The following RAB7A variants were observed in gnomAD, a reference collection of about 807,000 sequenced individuals.
The protein encoded by RAB7A is RAB7A, member RAS oncogene family.
RAB7A carries 2 observed loss-of-function variants against 24.5 expected under a neutral mutation model. That is an observed-to-expected ratio of 0.08 (90% CI 0.03 to 0.26). RAB7A has a LOEUF of 0.26. Ranked by LOEUF, RAB7A falls within the 10% of genes least tolerant of loss-of-function variation. The pLI is 1.00. For synonymous variants in RAB7A, 100 were observed against 95.9 expected, an observed-to-expected ratio of 1.04 and a Z score of -0.25; for missense variants, 118 against 255.7, an observed-to-expected ratio of 0.46 and a Z score of 3.67.
intron 1 of RAB7A, among the ~76,000 whole-genome samples, chr3:128,791,981 AC>A (rs1449038804): frequency 6.6e-6 from 1 of 152,086 alleles, no homozygotes; most frequent in African/African-American, 2.4e-5. Flanking sequence ...AGATCTACCC[AC>A]CCATCAACCC....
At position 128,779,618 on chromosome 3, in the gene RAB7A, A is replaced by T. The variant is rs543359185; in HGVS notation, c.-8-15742A>T. On this transcript the variant is annotated intron_variant, in intron 1 of 5. Coordinates refer to ENST00000265062, the MANE Select transcript of RAB7A (RefSeq NM_004637.6). ...GTGGGGGGGTGGTGTTGGAGACAGG[A>T]TCTTGCTCTGTTACCCAGACTGGAG... is the stretch of plus-strand genomic sequence containing the variant. Among the ~76,000 whole-genome samples, 82 of 152,076 alleles carry T rather than the reference A, an allele frequency of 5.4e-4. 1 individual carries two copies. In the South Asian group the frequency reaches 0.016, roughly 30 times the overall value.
chr3:128,777,246 TAC>T lies in RAB7A; in HGVS notation c.-8-18112_-8-18111del, dbSNP rs372435345. Reference sequence around the variant, plus strand: ...TCACTCTGTCACCCAGCCGCTGGAGTACAGTTATATGATCACTGCTCGCTACA... The same window carrying T: ...TCACTCTGTCACCCAGCCGCTGGAGTAGTTATATGATCACTGCTCGCTACA... On this transcript the variant is annotated intron_variant, in intron 1 of 5. Coordinates refer to ENST00000265062, the MANE Select transcript of RAB7A (RefSeq NM_004637.6). 2.2e-4 allele frequency among the ~76,000 whole-genome samples: 34 copies of T among 152,194 alleles called. 1 individual carries two copies. The South Asian group carries it at 6.8e-3, about 31-fold the overall frequency.
chr3:128,750,926 C>T (rs892846022), intron 1 of RAB7A, among the ~76,000 whole-genome samples: 5 of 152,174 alleles, frequency 3.3e-5, no homozygotes, highest in Admixed American at 6.6e-5. Context: ...CAGCTCCAGC[C>T]GTGGCTGAAA....
intron 1 of RAB7A, among the ~76,000 whole-genome samples, chr3:128,741,115 T>A (rs1410979384): frequency 6.6e-6 from 1 of 152,082 alleles, no homozygotes; most frequent in Non-Finnish European, 1.5e-5. Context: ...ATTTATAGTC[T>A]TTTGTGAATT....
chr3:128,806,636 A>C, intron 4 of RAB7A, 46 bp downstream of exon 4: 5 of 1,559,124 alleles, frequency 3.2e-6, no homozygotes, highest in Middle Eastern at 1.7e-4. Flanking sequence ...CCTGCTCCCC[A>C]GGGGCCTTGT....
chr3:128,774,249 G>A (rs763628515), intron 1 of RAB7A, among the ~76,000 whole-genome samples: 1 of 149,336 alleles, frequency 6.7e-6, no homozygotes, highest in African/African-American at 2.5e-5. Flanking sequence ...GTAAGAGTTG[G>A]CAGTCTGACT....
intron 5 of RAB7A, among the ~76,000 whole-genome samples, chr3:128,809,533 A>G (rs1166778732): frequency 6.6e-6 from 1 of 152,194 alleles, no homozygotes; most frequent in Non-Finnish European, 1.5e-5. Context: ...AGTTAACTCT[A>G]CTTGCATCTT....
At chr3:128,759,855 C>G (rs1466766713) in intron 1 of RAB7A, among the ~76,000 whole-genome samples, 1 of 152,138 alleles carries the variant, frequency 6.6e-6, no homozygotes, top group East Asian at 1.9e-4. Context: ...GAATTACAGG[C>G]ATGCACCACC....
chr3:128,807,689 GA>G lies in RAB7A; in HGVS notation c.528+19del, dbSNP rs1183307700. The G allele has an allele frequency of 6.2e-7, 1 of 1,613,838 alleles. No homozygotes were observed. The stretch of plus-strand genomic sequence containing the variant: ...TTAAGCAGGTGGGTCTCCCACAGCT[GA>G]CCAGCCCACTCTGGTGATGCCTGAC... On this transcript the variant is annotated intron_variant, in intron 5 of 5. Coordinates refer to ENST00000265062, the MANE Select transcript of RAB7A (RefSeq NM_004637.6).
intron 1 of RAB7A, among the ~76,000 whole-genome samples, chr3:128,786,919 A>C (rs1302393473): frequency 6.6e-6 from 1 of 152,254 alleles, no homozygotes; most frequent in Non-Finnish European, 1.5e-5. Context: ...GCTGAATATC[A>C]TGCAACCTTA....
Position 128,813,497 on chromosome 3 carries a change from T to C in RAB7A, c.*75T>C, listed in dbSNP as rs1933972825. On this transcript the variant is annotated 3_prime_UTR_variant, in exon 6 of 6. Transcript: ENST00000265062. The stretch of plus-strand genomic sequence containing the variant: ...GTAGGCCTTCAACACAATTCCCCTC[T>C]CCTCTTCCAAACAAAACATACATTG... 2 of 1,376,102 alleles carry C rather than the reference T, an allele frequency of 1.5e-6. No homozygotes were observed. The highest frequency in any genetic ancestry group is 1.0e-6 in the Non-Finnish European group (1 of 967,092). The allele number at this position is 1,376,102 out of a possible 1,614,324, so 85.2% of individuals were successfully genotyped here. A position where few individuals can be genotyped will look rare whatever the true frequency, so the allele number is the denominator to read the frequency against.
In RAB7A at chr3:128,795,427, T is replaced by C. The variant is rs1933544756; in HGVS notation, c.53+7T>C. On this transcript the variant is annotated splice_region_variant and intron_variant, in intron 2 of 5. Coordinates refer to ENST00000265062, the MANE Select transcript of RAB7A (RefSeq NM_004637.6). ...TCATCCTGGGAGATTCTGGGTAAGT[T>C]ACTCATGAATTTGAGCTAACAGATT... The C allele has an allele frequency of 6.2e-7, 1 of 1,610,452 alleles. No individual in the cohort carries two copies. Among genetic ancestry groups the C allele is most frequent in the Middle Eastern group, 1.7e-4 (1 of 6,060 alleles).
intron 1 of RAB7A, among the ~76,000 whole-genome samples, chr3:128,778,486 A>C (rs971644090): frequency 1.3e-5 from 2 of 152,196 alleles, no homozygotes; most frequent in African/African-American, 4.8e-5. Flanking sequence ...TAGACTAATC[A>C]GGGATTGGCA....
chr3:128,732,109 G>A (rs1373768363), intron 1 of RAB7A, among the ~76,000 whole-genome samples: 16 of 148,516 alleles, frequency 1.1e-4, no homozygotes, highest in African/African-American at 3.0e-4. Flanking sequence ...GCATGATCTC[G>A]GCTCACTGCA....
At chr3:128,811,056 A>C (rs188880241) in intron 5 of RAB7A, among the ~76,000 whole-genome samples, 1 of 151,056 alleles carries the variant, frequency 6.6e-6, no homozygotes, top group Admixed American at 6.6e-5. Flanking sequence ...CTCCATCTCA[A>C]AAAAAAAAAC....
In RAB7A at chr3:128,813,851, TACCCCCCC is replaced by T; in HGVS notation, c.*430_*437del. On this transcript the variant is annotated 3_prime_UTR_variant, in exon 6 of 6. Transcript: ENST00000265062. ...TTTTTTATTGGTCTTGTGGTCTTTTTACCCCCCCTTTCCCCTCCCTCCTTGAAGGCTAC... is the reference window on the plus strand; with the variant it reads ...TTTTTTATTGGTCTTGTGGTCTTTTTTTTCCCCTCCCTCCTTGAAGGCTAC... The T allele has an allele frequency of 3.8e-6, 1 of 266,246 alleles. No homozygotes were observed. The highest frequency in any genetic ancestry group is 9.5e-5 in the East Asian group (1 of 10,574). 16.5% of individuals were successfully genotyped at this position (266,246 alleles called of 1,614,324 possible).
At chr3:128,748,178 G>T (rs575978620) in intron 1 of RAB7A, among the ~76,000 whole-genome samples, 1 of 152,326 alleles carries the variant, frequency 6.6e-6, no homozygotes, top group South Asian at 2.1e-4. Flanking sequence ...CGCTCAGCAT[G>T]GAGGGATTTG....
At chr3:128,789,347 T>A (rs867341759) in intron 1 of RAB7A, among the ~76,000 whole-genome samples, 162 of 134,680 alleles carry the variant, frequency 1.2e-3, no homozygotes, top group African/African-American at 3.7e-3. Context: ...TTTTTTTTTT[T>A]AAATCTTTGA....
chr3:128,765,777 C>T (rs2070825560), intron 1 of RAB7A, among the ~76,000 whole-genome samples: 1 of 142,930 alleles, frequency 7.0e-6, no homozygotes, highest in Non-Finnish European at 1.5e-5. Flanking sequence ...TTTTTTTTTC[C>T]CGAGACAGAG....
Sources: allele counts gnomAD v4.1 joint callset (sites outside exome capture counted in the v4.1 genomes callset), GRCh38; gene constraint gnomAD v4.1.1; transcripts MANE v1.5; gene names NCBI Gene and HGNC (gene_info 2026-07-23, HGNC 2026-07-21).